Variants in LRP1B observed in about 807,000 individuals in gnomAD.
LRP1B encodes the protein LDL receptor related protein 1B.
LRP1B carries 217 observed loss-of-function variants against 556.6 expected under a neutral mutation model. The ratio of observed to expected loss-of-function variants is 0.39; its 90% confidence interval spans 0.35 to 0.44. The LOEUF (loss-of-function observed/expected upper bound fraction) is 0.44. LRP1B is among the 20% of genes least tolerant of loss of function. The probability of loss-of-function intolerance (pLI) is 1.00; values close to 1 mark genes in which losing one functional copy is unlikely to be tolerated. For missense variants in LRP1B, 5,053 were observed against 5,620.8 expected (o/e 0.90, Z 3.23); for synonymous variants, 2,047 against 1,865.8 (o/e 1.10, Z -2.50).
chr2:141,601,685 C>A (rs1687749905), intron 2 of LRP1B, among the ~76,000 whole-genome samples: 1 of 150,774 alleles, frequency 6.6e-6, no homozygotes, highest in African/African-American at 2.5e-5. Flanking sequence ...ACTCTGTCAC[C>A]CAGTCTGGAG....
At chr2:141,771,204 C>G (rs1694888037) in intron 2 of LRP1B, among the ~76,000 whole-genome samples, 1 of 152,092 alleles carries the variant, frequency 6.6e-6, no homozygotes, top group African/African-American at 2.4e-5. Context: ...AGAAGTAACT[C>G]TCAACTGGTC....
chr2:140,835,141 G>A lies in LRP1B; in HGVS notation c.5209+4850C>T, dbSNP rs560526104. Among the ~76,000 whole-genome samples, 6 of 152,218 alleles carry A rather than the reference G, an allele frequency of 3.9e-5. No individual in the cohort carries two copies. The East Asian group carries it at 7.7e-4, about 20-fold the overall frequency. ...TTTTGAGATGACTACTCAGAGGGGC[G>A]GCAGACACAGGAATAGTTCTGAAAA... On this transcript the variant is annotated intron_variant, in intron 31 of 90. Transcript: ENST00000389484.
At chr2:141,636,666 A>G (rs1006535847) in intron 2 of LRP1B, among the ~76,000 whole-genome samples, 1 of 152,178 alleles carries the variant, frequency 6.6e-6, no homozygotes, top group African/African-American at 2.4e-5. Flanking sequence ...GTGGTAAAAC[A>G]TGTGAACTCA....
Position 140,358,220 on chromosome 2 carries a change from G to T in LRP1B, c.11258-104C>A. ...TTACTAACTACTATGAAAAACATGG[G>T]TTTACAATCCTTTATCTGAAGCTCT... On this transcript the variant is annotated intron_variant, in intron 73 of 90. Coordinates refer to ENST00000389484, the MANE Select transcript of LRP1B (RefSeq NM_018557.3). The T allele has an allele frequency of 1.4e-5, 15 of 1,103,004 alleles. No individual in the cohort carries two copies. The South Asian group carries it at 2.8e-4, about 21-fold the overall frequency. The allele number at this position is 1,103,004 out of a possible 1,614,324, so 68.3% of individuals were successfully genotyped here. A position where few individuals can be genotyped will look rare whatever the true frequency, so the allele number is the denominator to read the frequency against.
At chr2:141,966,215 T>C (rs1165001669) in intron 1 of LRP1B, among the ~76,000 whole-genome samples, 1 of 151,934 alleles carries the variant, frequency 6.6e-6, no homozygotes, top group African/African-American at 2.4e-5. Flanking sequence ...AATTCTTGTT[T>C]TCATGGAGAT....
chr2:142,035,721 C>T (rs1382612798), intron 1 of LRP1B, among the ~76,000 whole-genome samples: 1 of 151,606 alleles, frequency 6.6e-6, no homozygotes, highest in Non-Finnish European at 1.5e-5. Flanking sequence ...AACCCACAAA[C>T]CAATCTCAAC....
chr2:140,792,686 G>A (rs1018923888), intron 32 of LRP1B, among the ~76,000 whole-genome samples: 5 of 151,964 alleles, frequency 3.3e-5, no homozygotes, highest in African/African-American at 4.8e-5. Flanking sequence ...AAAAAAATAA[G>A]GAAAAAGAAC....
chr2:141,123,247 A>AAAAT (rs979245120), intron 7 of LRP1B, among the ~76,000 whole-genome samples: 3 of 140,616 alleles, frequency 2.1e-5, no homozygotes, highest in Non-Finnish European at 4.7e-5. Flanking sequence ...ATAATAAAAA[A>AAAAT]AAATAAATAA....
intron 3 of LRP1B, among the ~76,000 whole-genome samples, chr2:141,352,261 CA>C (rs1019007300): frequency 1.3e-5 from 2 of 151,600 alleles, no homozygotes; most frequent in Non-Finnish European, 3.0e-5. Context: ...CAAAATTAAA[CA>C]AAAAATGTAA....
At chr2:141,956,010 C>T (rs1701239030) in intron 1 of LRP1B, among the ~76,000 whole-genome samples, 1 of 151,608 alleles carries the variant, frequency 6.6e-6, no homozygotes, top group Non-Finnish European at 1.5e-5. Flanking sequence ...TTGAGAGCAA[C>T]CTGGGCAACA....
chr2:141,206,644 A>G (rs961364253), intron 6 of LRP1B, among the ~76,000 whole-genome samples: 2 of 152,086 alleles, frequency 1.3e-5, no homozygotes, highest in African/African-American at 4.8e-5. Flanking sequence ...AAACAATTGT[A>G]GTGGGCACCC....
intron 68 of LRP1B, among the ~76,000 whole-genome samples, chr2:140,377,178 C>T (rs1192225040): frequency 2.6e-5 from 4 of 152,086 alleles, no homozygotes; most frequent in African/African-American, 9.7e-5. Flanking sequence ...CAGGTTCAAG[C>T]GATTCCCCTC....
At chr2:141,900,454 C>A (rs1699584341) in intron 1 of LRP1B, among the ~76,000 whole-genome samples, 1 of 151,926 alleles carries the variant, frequency 6.6e-6, no homozygotes, top group African/African-American at 2.4e-5. Context: ...TATATCTTTA[C>A]CCCTTAAATA....
At chr2:142,011,302 C>T (rs1168137810) in intron 1 of LRP1B, among the ~76,000 whole-genome samples, 1 of 152,084 alleles carries the variant, frequency 6.6e-6, no homozygotes. Context: ...TCCCTTAGTG[C>T]CCTCATACTT....
intron 3 of LRP1B, among the ~76,000 whole-genome samples, chr2:141,315,299 GC>G (rs1258819709): frequency 1.9e-5 from 2 of 107,668 alleles, no homozygotes; most frequent in Non-Finnish European, 3.4e-5. Flanking sequence ...TTGCTCTGTC[GC>G]CCAGGGTGGA....
At chr2:142,061,010 G>T (rs1704886049) in intron 1 of LRP1B, among the ~76,000 whole-genome samples, 1 of 151,796 alleles carries the variant, frequency 6.6e-6, no homozygotes, top group South Asian at 2.1e-4. Context: ...AGATATAAGA[G>T]GATTTAGGTG....
At chr2:142,095,695 C>G (rs922071850) in intron 1 of LRP1B, among the ~76,000 whole-genome samples, 2 of 151,562 alleles carry the variant, frequency 1.3e-5, no homozygotes, top group African/African-American at 4.8e-5. Flanking sequence ...ATACCTTTTT[C>G]AACATGTATT....
At chr2:141,634,003 AC>A (rs1176970518) in intron 2 of LRP1B, among the ~76,000 whole-genome samples, 1 of 151,912 alleles carries the variant, frequency 6.6e-6, no homozygotes, top group African/African-American at 2.4e-5. Context: ...AAATCACTAT[AC>A]GTGAGTAATT....
At chr2:140,446,644 AACT>A (rs1319760526) in intron 63 of LRP1B, among the ~76,000 whole-genome samples, 1 of 152,138 alleles carries the variant, frequency 6.6e-6, no homozygotes, top group East Asian at 1.9e-4. Context: ...TTAACCCATC[AACT>A]ACAAGTAAAA....
Sources: allele counts gnomAD v4.1 joint callset (sites outside exome capture counted in the v4.1 genomes callset), GRCh38; gene constraint gnomAD v4.1.1; transcripts MANE v1.5; gene names NCBI Gene and HGNC (gene_info 2026-07-23, HGNC 2026-07-21).